The following DNAJC1 variants were observed in gnomAD, a reference collection of about 807,000 sequenced individuals.
The protein encoded by DNAJC1 is DnaJ heat shock protein family (Hsp40) member C1.
Under a neutral mutation model 76.6 loss-of-function variants are expected in DNAJC1, and 58 were observed. That is an observed-to-expected ratio of 0.76 (90% CI 0.61 to 0.94). The LOEUF is 0.94. Ranked by LOEUF, DNAJC1 falls within the 40% of genes least tolerant of loss-of-function variation. DNAJC1 has a pLI of 0.00. For missense variants in DNAJC1, 689 were observed against 677.3 expected (o/e 1.02, Z -0.19); for synonymous variants, 258 against 267.9 (o/e 0.96, Z 0.36).
At chr10:21,844,822 C>T (rs1024171422) in intron 8 of DNAJC1, among the ~76,000 whole-genome samples, 4 of 152,136 alleles carry the variant, frequency 2.6e-5, no homozygotes, top group African/African-American at 9.7e-5. Flanking sequence ...ATCAATTGAA[C>T]GTGAGCTCAA....
chr10:21,869,526 A>G (rs1193686212), intron 8 of DNAJC1, among the ~76,000 whole-genome samples: 1 of 152,090 alleles, frequency 6.6e-6, no homozygotes, highest in African/African-American at 2.4e-5. Flanking sequence ...AATGTATAAA[A>G]CCAAGTTGTA....
chr10:21,956,954 CGAT>C (rs1837697335), intron 1 of DNAJC1, among the ~76,000 whole-genome samples: 1 of 149,378 alleles, frequency 6.7e-6, no homozygotes, highest in Non-Finnish European at 1.5e-5. Flanking sequence ...TACAGTGCAG[CGAT>C]CTCGGCTCGC....
At chr10:21,889,652 T>A (rs186296461) in intron 7 of DNAJC1, among the ~76,000 whole-genome samples, 7 of 152,304 alleles carry the variant, frequency 4.6e-5, no homozygotes, top group Admixed American at 2.6e-4. Flanking sequence ...ACGAGTTTTC[T>A]TTGTGTTTCT....
At chr10:21,836,959 G>A (rs958054222) in intron 8 of DNAJC1, among the ~76,000 whole-genome samples, 3 of 152,142 alleles carry the variant, frequency 2.0e-5, no homozygotes, top group African/African-American at 7.2e-5. Context: ...CTCTGATGCC[G>A]AGCCGAAGCT....
At chr10:21,852,845 G>A (rs951701928) in intron 8 of DNAJC1, among the ~76,000 whole-genome samples, 1 of 151,854 alleles carries the variant, frequency 6.6e-6, no homozygotes, top group South Asian at 2.1e-4. Context: ...ACACACAAAT[G>A]ATTATAATAT....
intron 7 of DNAJC1, among the ~76,000 whole-genome samples, chr10:21,883,461 A>C (rs1836316518): frequency 6.6e-6 from 1 of 152,200 alleles, no homozygotes; most frequent in South Asian, 2.1e-4. Context: ...CTGGCATAGG[A>C]ATAGACAAAT....
At chr10:21,809,459 T>C (rs994122215) in intron 8 of DNAJC1, among the ~76,000 whole-genome samples, 1 of 151,566 alleles carries the variant, frequency 6.6e-6, no homozygotes, top group African/African-American at 2.4e-5. Flanking sequence ...TCATAAATTC[T>C]CAGAAATTTT....
chr10:21,989,481 C>T (rs1378168269), intron 1 of DNAJC1, among the ~76,000 whole-genome samples: 1 of 152,082 alleles, frequency 6.6e-6, no homozygotes, highest in Non-Finnish European at 1.5e-5. Context: ...TACAAGTAGG[C>T]AGACGAAACC....
intron 8 of DNAJC1, among the ~76,000 whole-genome samples, chr10:21,811,935 G>A (rs1834973491): frequency 6.6e-6 from 1 of 152,148 alleles, no homozygotes; most frequent in Non-Finnish European, 1.5e-5. Flanking sequence ...CAATGCATGA[G>A]CATTCTTGTT....
intron 8 of DNAJC1, among the ~76,000 whole-genome samples, chr10:21,873,138 A>G (rs1817688074): frequency 6.6e-6 from 1 of 151,938 alleles, no homozygotes; most frequent in African/African-American, 2.4e-5. Flanking sequence ...CGACCCTCTC[A>G]CGTGGACCCC....
intron 8 of DNAJC1, among the ~76,000 whole-genome samples, chr10:21,866,129 C>G (rs1238326651): frequency 2.7e-5 from 2 of 73,080 alleles, no homozygotes; most frequent in African/African-American, 1.1e-4. Context: ...AGTGAGACTT[C>G]AACTCAAAAA....
intron 1 of DNAJC1, among the ~76,000 whole-genome samples, chr10:21,963,925 GTTTA>G (rs991931787): frequency 6.6e-6 from 1 of 151,556 alleles, no homozygotes; most frequent in African/African-American, 2.4e-5. Context: ...AGTGTTTTCT[GTTTA>G]TTTGTTTTCC....
At chr10:21,924,602 A>C (rs1837091173) in intron 3 of DNAJC1, among the ~76,000 whole-genome samples, 1 of 152,198 alleles carries the variant, frequency 6.6e-6, no homozygotes, top group Non-Finnish European at 1.5e-5. Flanking sequence ...TAGCTGGGCT[A>C]CTATTTCCCA....
At chr10:21,760,336 T>C (rs973578355) in intron 10 of DNAJC1, among the ~76,000 whole-genome samples, 1 of 152,198 alleles carries the variant, frequency 6.6e-6, no homozygotes, top group Non-Finnish European at 1.5e-5. Context: ...TAGGACAGAA[T>C]AGATGACAGA....
chr10:21,758,038 C>A (rs1349574201), intron 11 of DNAJC1, among the ~76,000 whole-genome samples: 1 of 152,138 alleles, frequency 6.6e-6, no homozygotes, highest in Admixed American at 6.5e-5. Flanking sequence ...GCAAACCAGT[C>A]GGAGAGGCTG....
chr10:21,931,451 A>G (rs1837222547), intron 1 of DNAJC1, among the ~76,000 whole-genome samples: 1 of 152,226 alleles, frequency 6.6e-6, no homozygotes, highest in Admixed American at 6.5e-5. Flanking sequence ...TGCTCTAGAT[A>G]AGTTGTACTT....
chr10:21,962,333 T>C (rs1837808731), intron 1 of DNAJC1, among the ~76,000 whole-genome samples: 1 of 151,740 alleles, frequency 6.6e-6, no homozygotes, highest in Non-Finnish European at 1.5e-5. Context: ...ATAAGACTTT[T>C]GACCAATTAT....
At chr10:21,954,915 G>A (rs535085877) in intron 1 of DNAJC1, among the ~76,000 whole-genome samples, 1 of 152,218 alleles carries the variant, frequency 6.6e-6, no homozygotes, top group South Asian at 2.1e-4. Context: ...AGTGTGCCAG[G>A]GTAGTCCTCA....
chr10:21,799,693 C>T (rs1179864739), intron 9 of DNAJC1, among the ~76,000 whole-genome samples: 1 of 152,132 alleles, frequency 6.6e-6, no homozygotes, highest in African/African-American at 2.4e-5. Context: ...CTCCCAGGGT[C>T]CCTATCATGC....
Sources: allele counts gnomAD v4.1 joint callset (sites outside exome capture counted in the v4.1 genomes callset), GRCh38; gene constraint gnomAD v4.1.1; transcripts MANE v1.5; gene names NCBI Gene and HGNC (gene_info 2026-07-23, HGNC 2026-07-21).